DYNC2H1: variants seen among roughly 807,000 people sequenced by gnomAD.
DYNC2H1 encodes the protein cytoplasmic dynein 2 heavy chain 1.
A neutral mutation model predicts 570.0 loss-of-function variants in DYNC2H1; 410 were observed. The observed-to-expected ratio is 0.72, with a 90% CI of 0.66 to 0.78. The LOEUF is 0.78. DYNC2H1 is among the 30% of genes least tolerant of loss of function. The pLI is 0.00. For missense variants in DYNC2H1, 4,865 were observed against 5,046.4 expected, an observed-to-expected ratio of 0.96 and a Z score of 1.09; for synonymous variants, 1,688 against 1,677.6, an observed-to-expected ratio of 1.01 and a Z score of -0.15.
chr11:103,268,209 T>G lies in DYNC2H1; in HGVS notation c.10695+8232T>G, dbSNP rs1440012362. Among the ~76,000 whole-genome samples the G allele has an allele frequency of 1.3e-5, 2 of 152,076 alleles. No individual in the cohort carries two copies. Among genetic ancestry groups the G allele is most frequent in the Non-Finnish European group, 2.9e-5 (2 of 67,942 alleles). The stretch of plus-strand genomic sequence containing the variant: ...CCAGTTAATATCTCTACCCACATAA[T>G]AATAAAGGTATATCTTTATCTCCTT... On this transcript the variant is annotated intron_variant, in intron 70 of 88. Transcript: ENST00000375735. The surrounding 1 kb of genome is among the most constrained non-coding windows in gnomAD (Gnocchi z 4.6).
At chr11:103,140,463 A>G (rs1859843779) in intron 17 of DYNC2H1, among the ~76,000 whole-genome samples, 1 of 151,850 alleles carries the variant, frequency 6.6e-6, no homozygotes, top group Non-Finnish European at 1.5e-5. Flanking sequence ...TTTCTCCTTC[A>G]CTTATGAAGC....
intron 84 of DYNC2H1, among the ~76,000 whole-genome samples, chr11:103,411,926 T>C (rs1943104978): frequency 6.6e-6 from 1 of 152,140 alleles, no homozygotes; most frequent in Non-Finnish European, 1.5e-5. Context: ...TTGTTAAAAT[T>C]CTTTCAAAGT....
chr11:103,161,916 G>T (rs1323131353), intron 29 of DYNC2H1, among the ~76,000 whole-genome samples: 1 of 152,164 alleles, frequency 6.6e-6, no homozygotes, highest in East Asian at 1.9e-4. Context: ...CAGGGCCCAT[G>T]CCTTACCATG....
intron 17 of DYNC2H1, among the ~76,000 whole-genome samples, chr11:103,137,560 G>A (rs61898610): frequency 0.088 from 13,321 of 151,982 alleles, 748 homozygotes; most frequent in Non-Finnish European, 0.12. Flanking sequence ...TATTTCTGAG[G>A]GCTCTGTTCT....
At position 103,264,502 on chromosome 11, in the gene DYNC2H1, C is replaced by A. The variant is rs1166671389; in HGVS notation, c.10695+4525C>A. Among the ~76,000 whole-genome samples the A allele has an allele frequency of 6.6e-6, 1 of 152,178 alleles. No homozygotes were observed. On this transcript the variant is annotated intron_variant, in intron 70 of 88. Transcript: ENST00000375735. This position sits in a 1 kb window ranked among gnomAD's most constrained non-coding sequence, Gnocchi z 4.8. ...TCCAGCAGCACATCAAAAAGCTTAT[C>A]CACCACAATCAAGTTGGCTTCATCC...
At chr11:103,337,556 C>T (rs991746098) in intron 82 of DYNC2H1, among the ~76,000 whole-genome samples, 7 of 152,058 alleles carry the variant, frequency 4.6e-5, no homozygotes, top group African/African-American at 1.7e-4. Context: ...TATTTTTTGT[C>T]TTTTTGATAA....
chr11:103,361,789 C>CA, intron 83 of DYNC2H1, among the ~76,000 whole-genome samples: 1 of 151,776 alleles, frequency 6.6e-6, no homozygotes, highest in South Asian at 2.1e-4. Context: ...CAAACAAAAA[C>CA]AAAAAACGAA....
Position 103,109,579 on chromosome 11 carries a change from C to A in DYNC2H1, c.5C>A (p.Ala2Glu), listed in dbSNP as rs566969353. The A allele has an allele frequency of 3.7e-6, 6 of 1,613,416 alleles. No homozygotes were observed. The South Asian group carries it at 4.4e-5, about 12-fold the overall frequency. ...TTCCCTCCACCCCTTCCAATCATGGCGAACGGGACTGCGGACGTTCGGAAG... is the reference window on the plus strand; with the variant it reads ...TTCCCTCCACCCCTTCCAATCATGGAGAACGGGACTGCGGACGTTCGGAAG... M[A>E]NGTADVRKLF... The change falls in exon 1 of 89, where the codon GCG (alanine) becomes GAG (glutamate). Residue 2 changes from alanine (A) to glutamate (E), a missense_variant. Transcript: ENST00000375735.
chr11:103,393,158 A>G (rs747660911), intron 83 of DYNC2H1, among the ~76,000 whole-genome samples: 3 of 152,200 alleles, frequency 2.0e-5, no homozygotes, highest in Admixed American at 6.5e-5. Context: ...TGCTGGGATT[A>G]CAGGTGTGAG....
intron 82 of DYNC2H1, among the ~76,000 whole-genome samples, chr11:103,339,887 C>G (rs1939355606): frequency 6.6e-6 from 1 of 152,186 alleles, no homozygotes; most frequent in East Asian, 1.9e-4. Context: ...GTCTGTTTGC[C>G]CCCTCTGTGA....
intron 11 of DYNC2H1, 106 bp downstream of exon 11, chr11:103,123,106 T>A: frequency 1.1e-6 from 1 of 936,028 alleles, no homozygotes; most frequent in Non-Finnish European, 1.4e-6. Context: ...TTGCTACTCC[T>A]CCTGTAATTT....
At chr11:103,217,816 A>G (rs1366821265) in intron 55 of DYNC2H1, among the ~76,000 whole-genome samples, 2 of 152,224 alleles carry the variant, frequency 1.3e-5, no homozygotes. Flanking sequence ...TACAAAACAT[A>G]TATTTGATAA....
Position 103,280,986 on chromosome 11 carries a change from T to C in DYNC2H1, c.10761+573T>C, listed in dbSNP as rs1342860247. 1.3e-5 allele frequency among the ~76,000 whole-genome samples: 2 copies of C among 151,826 alleles called. No homozygotes were observed. Among genetic ancestry groups the C allele is most frequent in the East Asian group, 1.9e-4 (1 of 5,198 alleles). On this transcript the variant is annotated intron_variant, in intron 71 of 88. Coordinates refer to ENST00000375735, the MANE Select transcript of DYNC2H1 (RefSeq NM_001377.3). This position sits in a 1 kb window ranked among gnomAD's most constrained non-coding sequence, Gnocchi z 4.7. ...GCTAACGAGACCATTTCTTGTCTGC[T>C]TACAATTTTAAAAAAAAAGCTATTT...
chr11:103,445,626 G>C (rs892626575), intron 85 of DYNC2H1, among the ~76,000 whole-genome samples: 2 of 152,074 alleles, frequency 1.3e-5, no homozygotes, highest in African/African-American at 2.4e-5. Flanking sequence ...GCATGGGAGA[G>C]AGATATCAAA....
At chr11:103,336,153 A>AT (rs1939113249) in intron 82 of DYNC2H1, among the ~76,000 whole-genome samples, 1 of 152,086 alleles carries the variant, frequency 6.6e-6, no homozygotes, top group African/African-American at 2.4e-5. Flanking sequence ...CTTGTTTTGT[A>AT]TTTTTTATGG....
At position 103,176,408 on chromosome 11, in the gene DYNC2H1, G is replaced by A; in HGVS notation, c.5848G>A (p.Ala1950Thr). 3 of 1,557,686 alleles carry A rather than the reference G, an allele frequency of 1.9e-6. No individual in the cohort carries two copies. Among genetic ancestry groups the A allele is most frequent in the South Asian group, 2.5e-5 (2 of 79,034 alleles). Residue 1950 changes from alanine (A) to threonine (T), a missense_variant, in exon 37 of 89, where the codon GCC becomes ACC. Around this residue, in one of 5 missense-constraint regions of DYNC2H1, gnomAD observed 292 missense variants for 300.2 expected, o/e 0.97. Transcript: ENST00000375735. ...SAALKQVFEE[A>T]NYEIIPNQIK... is the part of the protein sequence containing the mutation. ...TGCATTAAAGCAGGTCTTTGAAGAG[G>A]CCAATTATGAAATTATACCCAATCA... is the stretch of plus-strand genomic sequence containing the variant.
At position 103,400,729 on chromosome 11, in the gene DYNC2H1, CCTCT is replaced by C. The variant is rs1450078027; in HGVS notation, c.12366+860_12366+863del. ...AACCTCTGATAGTCAACCTAACAGT[CCTCT>C]CTGTTTGAATATAAAATAATAGCCT... On this transcript the variant is annotated intron_variant, in intron 84 of 88. Transcript: ENST00000375735. Among the ~76,000 whole-genome samples the C allele has an allele frequency of 4.6e-5, 7 of 151,678 alleles. No homozygotes were observed. The South Asian group carries it at 1.5e-3, about 32-fold the overall frequency.
At chr11:103,333,481 G>A (rs1938935805) in intron 82 of DYNC2H1, among the ~76,000 whole-genome samples, 1 of 152,156 alleles carries the variant, frequency 6.6e-6, no homozygotes, top group Admixed American at 6.5e-5. Context: ...AGCCAGGATG[G>A]TCTCGATCTC....
chr11:103,324,307 G>T lies in DYNC2H1; in HGVS notation c.12039+317G>T, dbSNP rs72975677. Among the ~76,000 whole-genome samples, 1 of 151,790 alleles carries T rather than the reference G, an allele frequency of 6.6e-6. No homozygotes were observed. The highest frequency in any genetic ancestry group is 1.5e-5 in the Non-Finnish European group (1 of 67,952). ...TATAGTGCCCAACAGGTAATTTTTC[G>T]ATCCTCCCTCTCCTCTCACCCTCCA... On this transcript the variant is annotated intron_variant, in intron 82 of 88. Transcript: ENST00000375735. This position sits in a 1 kb window ranked among gnomAD's most constrained non-coding sequence, Gnocchi z 5.2.
Sources: allele counts gnomAD v4.1 joint callset (sites outside exome capture counted in the v4.1 genomes callset), GRCh38; gene constraint gnomAD v4.1.1; regional missense constraint gnomAD v4.1.1; non-coding constraint Gnocchi (gnomAD v3.1); transcripts MANE v1.5; gene names NCBI Gene and HGNC (gene_info 2026-07-23, HGNC 2026-07-21).